The following CACNA2D1 variants were observed in gnomAD, a reference collection of about 807,000 sequenced individuals.
The protein encoded by CACNA2D1 is voltage-dependent calcium channel subunit alpha-2/delta-1.
CACNA2D1 carries 53 observed loss-of-function variants against 171.5 expected under a neutral mutation model. The observed-to-expected ratio is 0.31, with a 90% confidence interval of 0.25 to 0.39. CACNA2D1 has a LOEUF of 0.39. CACNA2D1 is among the 10% of genes least tolerant of loss of function. CACNA2D1 has a pLI of 1.00. For missense variants in CACNA2D1, 903 were observed against 1,299.8 expected (o/e 0.69, Z 4.69); for synonymous variants, 442 against 443.1 (o/e 1.00, Z 0.03).
intron 3 of CACNA2D1, among the ~76,000 whole-genome samples, chr7:82,176,207 C>A (rs1054730473): frequency 6.6e-6 from 1 of 151,966 alleles, no homozygotes; most frequent in African/African-American, 2.4e-5. Context: ...ATTTCTTATG[C>A]TGATAGGAAG....
intron 7 of CACNA2D1, among the ~76,000 whole-genome samples, chr7:82,074,405 T>A (rs573108345): frequency 2.0e-5 from 3 of 152,170 alleles, no homozygotes; most frequent in Admixed American, 2.0e-4. Flanking sequence ...TTTTTGTATT[T>A]TTAGTAGAGA....
At position 82,092,439 on chromosome 7, in the gene CACNA2D1, T is replaced by C. The variant is rs557665245; in HGVS notation, c.527-7539A>G. ...CAGGCTGGAGTGCGGTGGCACAATC[T>C]AGGCTCACTGCCAAGCTCCGCCTCC... On this transcript the variant is annotated intron_variant, in intron 6 of 38. Coordinates refer to ENST00000356860, the MANE Select transcript of CACNA2D1 (RefSeq NM_000722.4). Among the ~76,000 whole-genome samples the C allele has an allele frequency of 2.0e-5, 3 of 151,848 alleles. No homozygotes were observed. The South Asian group carries it at 6.3e-4, about 32-fold the overall frequency.
intron 1 of CACNA2D1, among the ~76,000 whole-genome samples, chr7:82,440,128 C>T (rs759244812): frequency 1.6e-4 from 24 of 151,876 alleles, no homozygotes; most frequent in Admixed American, 2.6e-4. Flanking sequence ...TGGATATCCA[C>T]AATTCTTAGT....
At chr7:82,424,805 C>T (rs1247289527) in intron 1 of CACNA2D1, among the ~76,000 whole-genome samples, 1 of 152,182 alleles carries the variant, frequency 6.6e-6, no homozygotes, top group Middle Eastern at 3.2e-3. Context: ...TGACCCAACA[C>T]AGTTTGCCTG....
At chr7:82,151,532 G>A (rs1265500022) in intron 4 of CACNA2D1, among the ~76,000 whole-genome samples, 1 of 152,074 alleles carries the variant, frequency 6.6e-6, no homozygotes, top group Non-Finnish European at 1.5e-5. Flanking sequence ...CAAATTCAGA[G>A]CAGTATAAAT....
At chr7:82,146,307 T>C (rs946758087) in intron 4 of CACNA2D1, among the ~76,000 whole-genome samples, 1 of 140,562 alleles carries the variant, frequency 7.1e-6, no homozygotes, top group African/African-American at 2.5e-5. Flanking sequence ...TACATATATA[T>C]ATACGTGTGT....
intron 5 of CACNA2D1, among the ~76,000 whole-genome samples, chr7:82,120,758 C>T (rs1789636252): frequency 6.6e-6 from 1 of 151,524 alleles, no homozygotes; most frequent in Non-Finnish European, 1.5e-5. Flanking sequence ...GCCTGTAGTC[C>T]CAGCTACTCG....
chr7:82,432,677 T>C (rs1350328444), intron 1 of CACNA2D1, among the ~76,000 whole-genome samples: 1 of 152,214 alleles, frequency 6.6e-6, no homozygotes, highest in Non-Finnish European at 1.5e-5. Context: ...CTGTTTTCTT[T>C]TCTTGACAAG....
At chr7:82,207,080 C>T (rs897700714) in intron 3 of CACNA2D1, among the ~76,000 whole-genome samples, 36 of 152,312 alleles carry the variant, frequency 2.4e-4, no homozygotes, top group African/African-American at 8.4e-4. Context: ...CAGAACAAGT[C>T]CTCTTCTATG....
intron 1 of CACNA2D1, among the ~76,000 whole-genome samples, chr7:82,417,156 G>T (rs959618737): frequency 6.6e-6 from 1 of 152,054 alleles, no homozygotes; most frequent in African/African-American, 2.4e-5. Flanking sequence ...ATTTCCTAAA[G>T]ATCACACCAT....
chr7:82,332,911 G>A (rs1165908867), intron 3 of CACNA2D1, among the ~76,000 whole-genome samples: 2 of 152,078 alleles, frequency 1.3e-5, no homozygotes, highest in Non-Finnish European at 2.9e-5. Flanking sequence ...AGGTGGGAGG[G>A]CTGCTTGAGC....
intron 3 of CACNA2D1, among the ~76,000 whole-genome samples, chr7:82,201,680 C>T (rs1799452958): frequency 1.3e-5 from 2 of 152,154 alleles, no homozygotes; most frequent in South Asian, 4.1e-4. Flanking sequence ...TTTTGCTACC[C>T]TTCGCTAGTC....
At chr7:81,977,705 A>G (rs183399999) in intron 24 of CACNA2D1, among the ~76,000 whole-genome samples, 174 of 152,324 alleles carry the variant, frequency 1.1e-3, no homozygotes, top group African/African-American at 4.1e-3. Flanking sequence ...CTAAAACACC[A>G]AAAGCAATGG....
intron 6 of CACNA2D1, 75 bp downstream of exon 6, chr7:82,116,969 T>TCC: frequency 1.3e-6 from 2 of 1,503,692 alleles, no homozygotes; most frequent in Non-Finnish European, 1.9e-6. Flanking sequence ...CTCTTTTTTT[T>TCC]CCCCCTCAAA....
chr7:82,111,419 T>C (rs1249004867), intron 6 of CACNA2D1, among the ~76,000 whole-genome samples: 1 of 80,766 alleles, frequency 1.2e-5, no homozygotes, highest in Non-Finnish European at 2.5e-5. Flanking sequence ...TATATGTGTA[T>C]ATATGTGTGT....
At chr7:82,193,986 A>G (rs1000790561) in intron 3 of CACNA2D1, among the ~76,000 whole-genome samples, 1 of 152,032 alleles carries the variant, frequency 6.6e-6, no homozygotes, top group Non-Finnish European at 1.5e-5. Context: ...CTGGAATCCC[A>G]CTATAATAAT....
chr7:81,971,200 C>A, intron 26 of CACNA2D1: 1 of 182,996 alleles, frequency 5.5e-6, no homozygotes, highest in Non-Finnish European at 1.2e-5. Context: ...CTTAGAACTG[C>A]ATTTTAGGAG....
chr7:82,081,772 C>A (rs760985261), intron 7 of CACNA2D1, among the ~76,000 whole-genome samples: 1 of 152,210 alleles, frequency 6.6e-6, no homozygotes, highest in African/African-American at 2.4e-5. Context: ...ACCCCATCTA[C>A]TGTGCCTGCT....
intron 12 of CACNA2D1, among the ~76,000 whole-genome samples, chr7:82,031,333 G>T (rs997320236): frequency 6.6e-6 from 1 of 151,866 alleles, no homozygotes; most frequent in African/African-American, 2.4e-5. Context: ...ATTAAATAAA[G>T]ATATGCACAT....
Sources: allele counts gnomAD v4.1 joint callset (sites outside exome capture counted in the v4.1 genomes callset), GRCh38; gene constraint gnomAD v4.1.1; transcripts MANE v1.5; gene names NCBI Gene and HGNC (gene_info 2026-07-23, HGNC 2026-07-21).